GRID1: variants seen among roughly 807,000 people sequenced by gnomAD.
GRID1 encodes glutamate receptor ionotropic, delta-1.
GRID1 carries 28 observed loss-of-function variants against 98.0 expected under a neutral mutation model. The ratio of observed to expected loss-of-function variants is 0.29; its 90% CI spans 0.21 to 0.39. The LOEUF is 0.39. Ranked by LOEUF, GRID1 falls within the 10% of genes least tolerant of loss-of-function variation. GRID1 has a pLI of 1.00. For missense variants in GRID1, 1,111 were observed against 1,340.5 expected (o/e 0.83, Z 2.67); for synonymous variants, 553 against 538.5 (o/e 1.03, Z -0.37).
chr10:86,067,239 C>T (rs1363159535), intron 4 of GRID1, among the ~76,000 whole-genome samples: 1 of 152,190 alleles, frequency 6.6e-6, no homozygotes, highest in Non-Finnish European at 1.5e-5. Flanking sequence ...TCCAGCAGTA[C>T]AGAGCCTCCG....
At chr10:85,846,475 G>T (rs965595531) in intron 8 of GRID1, among the ~76,000 whole-genome samples, 3 of 152,210 alleles carry the variant, frequency 2.0e-5, no homozygotes, top group African/African-American at 7.2e-5. Flanking sequence ...AGTGAGCCAT[G>T]ATTGTGCCAC....
chr10:85,612,032 G>A (rs1399270531), intron 15 of GRID1, among the ~76,000 whole-genome samples: 1 of 152,220 alleles, frequency 6.6e-6, no homozygotes, highest in South Asian at 2.1e-4. Flanking sequence ...AGGCCAGAGA[G>A]GAAGACAGAT....
intron 4 of GRID1, among the ~76,000 whole-genome samples, chr10:85,931,548 G>A (rs531782377): frequency 6.6e-6 from 1 of 152,074 alleles, no homozygotes; most frequent in South Asian, 2.1e-4. Flanking sequence ...CAGTCATCAT[G>A]TTTCTCTTCA....
At chr10:86,133,869 C>T (rs992736698) in intron 4 of GRID1, among the ~76,000 whole-genome samples, 6 of 152,184 alleles carry the variant, frequency 3.9e-5, no homozygotes, top group African/African-American at 1.2e-4. Flanking sequence ...CAGGCTGCCC[C>T]GCCTCCTTGT....
intron 5 of GRID1, among the ~76,000 whole-genome samples, chr10:85,904,025 T>C (rs924642554): frequency 2.0e-5 from 3 of 152,248 alleles, no homozygotes; most frequent in African/African-American, 7.2e-5. Context: ...CCTTACATGA[T>C]TGTATTACTC....
chr10:85,679,628 T>C (rs1349708353), intron 12 of GRID1, among the ~76,000 whole-genome samples: 1 of 152,112 alleles, frequency 6.6e-6, no homozygotes, highest in Admixed American at 6.5e-5. Flanking sequence ...ATATAGGATA[T>C]GGAGGTAGGG....
At chr10:85,614,677 G>C (rs1842768950) in intron 14 of GRID1, among the ~76,000 whole-genome samples, 1 of 152,174 alleles carries the variant, frequency 6.6e-6, no homozygotes, top group African/African-American at 2.4e-5. Flanking sequence ...GAGACTATTG[G>C]GTGATATGGG....
chr10:85,928,100 G>C (rs993939814), intron 4 of GRID1, among the ~76,000 whole-genome samples: 1 of 152,218 alleles, frequency 6.6e-6, no homozygotes, highest in Non-Finnish European at 1.5e-5. Flanking sequence ...TAGGCTCAAT[G>C]AGGAAGATGA....
At chr10:85,893,061 G>C (rs953506624) in intron 5 of GRID1, among the ~76,000 whole-genome samples, 1 of 151,870 alleles carries the variant, frequency 6.6e-6, no homozygotes, top group African/African-American at 2.4e-5. Context: ...TTCATCCCAG[G>C]ACTGCAGGTT....
At chr10:86,346,107 C>T (rs946068098) in intron 2 of GRID1, among the ~76,000 whole-genome samples, 1 of 152,344 alleles carries the variant, frequency 6.6e-6, no homozygotes, top group African/African-American at 2.4e-5. Flanking sequence ...TTAGGCCACT[C>T]GTCTGTCCCT....
At chr10:85,733,279 T>C (rs1177393721) in intron 8 of GRID1, among the ~76,000 whole-genome samples, 1 of 152,154 alleles carries the variant, frequency 6.6e-6, no homozygotes, top group Non-Finnish European at 1.5e-5. Context: ...TTCTCTGGGG[T>C]CAAAACTCTG....
intron 8 of GRID1, among the ~76,000 whole-genome samples, chr10:85,844,219 C>T (rs1842985779): frequency 1.3e-5 from 2 of 151,358 alleles, no homozygotes; most frequent in Non-Finnish European, 2.9e-5. Context: ...TTTTAAATGA[C>T]AAAATTTTAG....
chr10:85,861,092 G>A (rs914854932), intron 6 of GRID1, among the ~76,000 whole-genome samples: 2 of 152,178 alleles, frequency 1.3e-5, no homozygotes, highest in Non-Finnish European at 2.9e-5. Context: ...CTCCTCCAGG[G>A]ATGTCCCCAG....
chr10:86,061,277 A>G (rs1843644899), intron 4 of GRID1, among the ~76,000 whole-genome samples: 1 of 152,048 alleles, frequency 6.6e-6, no homozygotes, highest in African/African-American at 2.4e-5. Flanking sequence ...CCCAGCTCCC[A>G]CTATAGTTCC....
chr10:86,163,447 T>TC (rs138906916), intron 3 of GRID1, among the ~76,000 whole-genome samples: 4,591 of 150,082 alleles, frequency 0.031, 246 homozygotes, highest in African/African-American at 0.11. Flanking sequence ...AGTTCTAGGG[T>TC]CCATGTGCAC....
At chr10:86,014,290 C>T (rs946525899) in intron 4 of GRID1, among the ~76,000 whole-genome samples, 2 of 152,150 alleles carry the variant, frequency 1.3e-5, no homozygotes, top group African/African-American at 2.4e-5. Flanking sequence ...CAAATTGGGC[C>T]GTTCCTGACT....
rs1007059133 is a variant in GRID1, at chr10:86,094,018, A to G, written c.726+44801T>C. Reference sequence around the variant, plus strand: ...CACCATGATCAAGTGGGTTTCATAAATGGGATGCAGGGATGGTTTAACATA... The same window carrying G: ...CACCATGATCAAGTGGGTTTCATAAGTGGGATGCAGGGATGGTTTAACATA... On this transcript the variant is annotated intron_variant, in intron 4 of 15. Coordinates refer to ENST00000327946, the MANE Select transcript of GRID1 (RefSeq NM_017551.3). Among the ~76,000 whole-genome samples, 8 of 152,182 alleles carry G rather than the reference A, an allele frequency of 5.3e-5. No individual in the cohort carries two copies. In the East Asian group the frequency reaches 1.3e-3, roughly 26 times the overall value.
At chr10:85,647,095 A>C (rs2132552271) in intron 13 of GRID1, 107 bp downstream of exon 13, 1 of 834,642 alleles carries the variant, frequency 1.2e-6, no homozygotes, top group East Asian at 2.4e-5. Flanking sequence ...CTTGCAGGTA[A>C]CAGGGCTGCT....
At chr10:85,941,392 T>C (rs1841995899) in intron 4 of GRID1, among the ~76,000 whole-genome samples, 1 of 152,200 alleles carries the variant, frequency 6.6e-6, no homozygotes, top group Non-Finnish European at 1.5e-5. Context: ...AAAGAATATA[T>C]ACATGTTGAA....
Sources: allele counts gnomAD v4.1 joint callset (sites outside exome capture counted in the v4.1 genomes callset), GRCh38; gene constraint gnomAD v4.1.1; transcripts MANE v1.5; gene names NCBI Gene and HGNC (gene_info 2026-07-23, HGNC 2026-07-21).